COL5A1: variants seen among roughly 807,000 people sequenced by gnomAD.
The protein encoded by COL5A1 is collagen type V alpha 1 chain.
In COL5A1, 16 loss-of-function variants were observed where a neutral mutation model predicts 263.7. That is an observed-to-expected ratio of 0.06 (90% CI 0.04 to 0.09). COL5A1 has a LOEUF of 0.09. COL5A1 is among the 10% of genes least tolerant of loss of function. COL5A1 has a pLI of 1.00. For missense variants in COL5A1, 2,036 were observed against 2,540.5 expected, an observed-to-expected ratio of 0.80 and a Z score of 4.27; for synonymous variants, 1,012 against 1,004.5, an observed-to-expected ratio of 1.01 and a Z score of -0.14.
chr9:134,811,722 CT>C (rs1470948295), intron 46 of COL5A1, 123 bp downstream of exon 46: 2 of 822,886 alleles, frequency 2.4e-6, no homozygotes, highest in East Asian at 5.3e-5. Context: ...AGGGGGCCTC[CT>C]GGGCCTCCTC....
intron 58 of COL5A1, 62 bp from the exon 59 acceptor site, chr9:134,822,035 T>G (rs1588592705): frequency 6.9e-7 from 1 of 1,454,490 alleles, no homozygotes. Context: ...GGTAGCAGGG[T>G]TGCAGCCCCG....
At position 134,642,417 on chromosome 9, in the gene COL5A1, C is replaced by G. The variant is rs1351913990; in HGVS notation, c.109+121C>G. ...TCCTTGGCCTGTGGAATGCACGGGC[C>G]AAGACCACGAATGCCATTTGCTGGG... On this transcript the variant is annotated intron_variant, in intron 1 of 65. Coordinates refer to ENST00000371817, the MANE Select transcript of COL5A1 (RefSeq NM_000093.5). This position sits in a 1 kb window ranked among gnomAD's most constrained non-coding sequence, Gnocchi z 4.5. The G allele has an allele frequency of 5.4e-6, 1 of 184,010 alleles. No homozygotes were observed. The highest frequency in any genetic ancestry group is 6.2e-5 in the Admixed American group (1 of 16,102). The allele number at this position is 184,010 out of a possible 1,614,324, so 11.4% of individuals were successfully genotyped here. A position where few individuals can be genotyped will look rare whatever the true frequency, so the allele number is the denominator to read the frequency against.
intron 38 of COL5A1, among the ~76,000 whole-genome samples, chr9:134,802,297 C>T (rs1476409438): frequency 6.6e-6 from 1 of 152,230 alleles, no homozygotes; most frequent in Non-Finnish European, 1.5e-5. Flanking sequence ...GGGCTCATCC[C>T]TGCTGTGGGT....
chr9:134,765,695 G>A lies in COL5A1; in HGVS notation c.2049G>A (p.Leu683=). 2 of 1,613,720 alleles carry A rather than the reference G, an allele frequency of 1.2e-6. No homozygotes were observed. Among genetic ancestry groups the A allele is most frequent in the African/African-American group, 1.3e-5 (1 of 75,066 alleles). The part of the protein sequence containing the change: ...GLPGEPGPRG[L]LGPKGPPGPP... ...TCCTCTTACAGGGGCCACGTGGTCT[G>A]CTTGGGCCGAAGGGGCCCCCAGGTC... The change falls in exon 21 of 66, where the codon CTG becomes CTA. Residue 683 remains leucine (L), a synonymous_variant. Coordinates refer to ENST00000371817, the MANE Select transcript of COL5A1 (RefSeq NM_000093.5). The surrounding 1 kb of genome is among the most constrained non-coding windows in gnomAD (Gnocchi z 5.1).
chr9:134,817,879 G>A (rs1386775686), intron 54 of COL5A1, 48 bp downstream of exon 54: 1 of 1,542,706 alleles, frequency 6.5e-7, no homozygotes, highest in Middle Eastern at 1.7e-4. Context: ...CTCCCCCAGG[G>A]GAGCCCAGAG....
At chr9:134,805,423 G>A (rs1349519127) in intron 41 of COL5A1, among the ~76,000 whole-genome samples, 4 of 152,198 alleles carry the variant, frequency 2.6e-5, no homozygotes, top group African/African-American at 7.2e-5. Context: ...GGGGCACACC[G>A]AGGAAAGGAG....
At chr9:134,764,994 T>A (rs1224233621) in intron 20 of COL5A1, among the ~76,000 whole-genome samples, 1 of 152,170 alleles carries the variant, frequency 6.6e-6, no homozygotes, top group Non-Finnish European at 1.5e-5. Context: ...GCCTCTGTAA[T>A]TCTCCGTGGG....
intron 2 of COL5A1, among the ~76,000 whole-genome samples, chr9:134,695,721 C>T (rs1156981153): frequency 6.6e-6 from 1 of 152,222 alleles, no homozygotes; most frequent in Non-Finnish European, 1.5e-5. Flanking sequence ...GTCTCTTCCT[C>T]ACTCTATCTT....
intron 2 of COL5A1, among the ~76,000 whole-genome samples, chr9:134,697,557 G>A (rs766368572): frequency 3.9e-5 from 6 of 151,942 alleles, no homozygotes; most frequent in Non-Finnish European, 8.8e-5. Context: ...GTGAGGGAGT[G>A]GACTCAGATG....
At chr9:134,720,930 G>T (rs567182036) in intron 4 of COL5A1, among the ~76,000 whole-genome samples, 11 of 152,136 alleles carry the variant, frequency 7.2e-5, no homozygotes, top group Non-Finnish European at 1.5e-4. Flanking sequence ...TGTGAGGGGC[G>T]GCTCCAGGCC....
chr9:134,814,161 C>G (rs1838649957), intron 49 of COL5A1, 125 bp downstream of exon 49: 4 of 934,128 alleles, frequency 4.3e-6, no homozygotes, highest in South Asian at 3.1e-5. Context: ...TGTAACCCCT[C>G]TTGTGCCCAT....
intron 32 of COL5A1, among the ~76,000 whole-genome samples, chr9:134,791,886 T>G (rs530296827): frequency 6.6e-6 from 1 of 151,978 alleles, no homozygotes; most frequent in East Asian, 1.9e-4. Context: ...GCATCCAGAG[T>G]GGAACACCAC....
intron 28 of COL5A1, among the ~76,000 whole-genome samples, chr9:134,781,218 G>A (rs1353552692): frequency 2.0e-5 from 3 of 152,258 alleles, no homozygotes; most frequent in Admixed American, 2.0e-4. Context: ...AGTTTGTTGA[G>A]CGTGCTGGTC....
chr9:134,748,324 T>G (rs1361459028), intron 11 of COL5A1, among the ~76,000 whole-genome samples: 1 of 150,666 alleles, frequency 6.6e-6, no homozygotes, highest in East Asian at 2.0e-4. Context: ...GTCACATACA[T>G]GCACACACAT....
chr9:134,791,805 G>A (rs1837701357), intron 32 of COL5A1, among the ~76,000 whole-genome samples: 1 of 152,092 alleles, frequency 6.6e-6, no homozygotes, highest in East Asian at 1.9e-4. Flanking sequence ...CATGCATCGC[G>A]AGTCCTTTCT....
At chr9:134,708,420 G>GGC (rs1564401687) in intron 4 of COL5A1, 2 of 316,054 alleles carry the variant, frequency 6.3e-6, no homozygotes, top group Non-Finnish European at 1.2e-5. Context: ...AGCAACTCCC[G>GGC]GGGTGGGGGC....
intron 9 of COL5A1, among the ~76,000 whole-genome samples, chr9:134,736,443 C>A (rs1295688260): frequency 6.6e-6 from 1 of 152,182 alleles, no homozygotes. Context: ...CTAACGAGCC[C>A]GCTCCCATCG....
At chr9:134,824,936 C>T in intron 62 of COL5A1, 81 bp downstream of exon 62, 7 of 1,507,236 alleles carry the variant, frequency 4.6e-6, no homozygotes, top group Non-Finnish European at 6.2e-6. Context: ...AAGGACAGTT[C>T]AGCCAGGCAC....
chr9:134,775,747 G>A (rs181669562), intron 27 of COL5A1, among the ~76,000 whole-genome samples: 1 of 152,340 alleles, frequency 6.6e-6, no homozygotes, highest in Non-Finnish European at 1.5e-5. Context: ...GGATGTGAAG[G>A]AATATGTGTG....
Sources: gnomAD v4.1 joint callset for allele counts (sites outside exome capture counted in the v4.1 genomes callset) on GRCh38, gnomAD v4.1.1 for gene constraint, Gnocchi (gnomAD v3.1) non-coding constraint, MANE v1.5 for transcripts, NCBI Gene and HGNC (gene_info 2026-07-23, HGNC 2026-07-21) for gene names.